Variants in SYBU observed in about 807,000 individuals in gnomAD.
The protein encoded by SYBU is GOLSYN A protein.
Under a neutral mutation model 35.9 loss-of-function variants are expected in SYBU, and 21 were observed. The ratio of observed to expected loss-of-function variants is 0.58; its 90% CI spans 0.41 to 0.84. SYBU has a LOEUF of 0.84. SYBU is among the 40% of genes least tolerant of loss of function. SYBU has a pLI of 0.00. For missense variants in SYBU, 768 were observed against 848.2 expected, an observed-to-expected ratio of 0.91 and a Z score of 1.17; for synonymous variants, 319 against 324.3, an observed-to-expected ratio of 0.98 and a Z score of 0.18.
chr8:109,613,119 G>A (rs1011822152), intron 3 of SYBU, among the ~76,000 whole-genome samples: 3 of 151,884 alleles, frequency 2.0e-5, no homozygotes, highest in Non-Finnish European at 4.4e-5. Flanking sequence ...GCCATCAGCT[G>A]TAAACTCATA....
chr8:109,642,899 T>C lies in SYBU; in HGVS notation c.58A>G (p.Ile20Val). 6.3e-7 allele frequency: 1 copy of C among 1,583,768 alleles called. No homozygotes were observed. Among genetic ancestry groups the C allele is most frequent in the Non-Finnish European group, 8.6e-7 (1 of 1,163,276 alleles). ...EHRVQHHDKE[I>V]SRSRIPRLIL... ...AACCGGGGAATTCGGCTTCGAGAAA[T>C]CTCCTTGTCATGATGCTGCACTCTG... Residue 20 changes from isoleucine (I) to valine (V), a missense_variant, in exon 2 of 7, where the codon ATT becomes GTT. Transcript: ENST00000276646.
Position 109,578,518 on chromosome 8 carries a change from C to T in SYBU, c.735-501G>A, listed in dbSNP as rs568906888. Among the ~76,000 whole-genome samples the T allele has an allele frequency of 2.1e-4, 32 of 152,336 alleles. No homozygotes were observed. The South Asian group carries it at 5.4e-3, about 26-fold the overall frequency. ...TAAACCTCAATAATGGGTGACCTCA[C>T]TTCAGAAGGTGAGCTGTAATAGAAT... On this transcript the variant is annotated intron_variant, in intron 5 of 6. Coordinates refer to ENST00000276646, the MANE Select transcript of SYBU (RefSeq NM_001099754.2).
Position 109,579,826 on chromosome 8 carries a change from T to C in SYBU, c.707A>G (p.Lys236Arg), listed in dbSNP as rs768950242. Residue 236 changes from lysine (K) to arginine (R), a missense_variant, in exon 5 of 7, where the codon AAA becomes AGA. Physicochemically the swap from Lys to Arg is conservative, Grantham distance 26. Coordinates refer to ENST00000276646, the MANE Select transcript of SYBU (RefSeq NM_001099754.2). ...SPSSSNSGSY[K>R]GSDCSPIMRR... ...CATGATGGGGCTACAGTCGCTTCCT[T>C]TGTAGGAGCCTGAGTTGCTACTGCT... 6.2e-7 allele frequency: 1 copy of C among 1,613,680 alleles called. No homozygotes were observed. The highest frequency in any genetic ancestry group is 8.5e-7 in the Non-Finnish European group (1 of 1,179,792).
At chr8:109,644,943 C>A (rs965733999), upstream of SYBU, 42 of 528,114 alleles carry the variant, frequency 8.0e-5, no homozygotes, top group Non-Finnish European at 9.3e-5. Flanking sequence ...GCAACTCGAC[C>A]GCGCCTGGGC....
chr8:109,607,827 C>CACACACAT, intron 3 of SYBU: 1 of 722,842 alleles, frequency 1.4e-6, no homozygotes, highest in East Asian at 2.7e-5. Context: ...CACACACACA[C>CACACACAT]ACACACACAC....
intron 1 of SYBU, among the ~76,000 whole-genome samples, chr8:109,652,555 A>C (rs1461716262): frequency 6.6e-6 from 1 of 152,202 alleles, no homozygotes; most frequent in East Asian, 1.9e-4. Flanking sequence ...GGACGGCATC[A>C]AGACAATACC....
rs1310002931 is a variant in SYBU at position 109,574,117 on chromosome 8, G to A, written c.*789C>T. ...TTTTTACAGACCCCCTATTGATAAA[G>A]ATGTAAGATCTGCTATTCATTGTCT... is the stretch of plus-strand genomic sequence containing the variant. On this transcript the variant is annotated 3_prime_UTR_variant, in exon 7 of 7. Transcript: ENST00000276646. The A allele has an allele frequency of 6.6e-6, 1 of 152,062 alleles. No homozygotes were observed. Among genetic ancestry groups the A allele is most frequent in the Admixed American group, 6.6e-5 (1 of 15,258 alleles). 9.4% of individuals were successfully genotyped at this position (152,062 alleles called of 1,614,324 possible).
rs547995778 is a variant in SYBU at position 109,611,925 on chromosome 8, T to A, written c.427+6917A>T. On this transcript the variant is annotated intron_variant, in intron 3 of 6. Coordinates refer to ENST00000276646, the MANE Select transcript of SYBU (RefSeq NM_001099754.2). ...CATATGGACTGTATCAGCTAATTTA[T>A]AAAAATTAGTAGGAATTTTTAGGGC... is the stretch of plus-strand genomic sequence containing the variant. Among the ~76,000 whole-genome samples, 3 of 152,360 alleles carry A rather than the reference T, an allele frequency of 2.0e-5. No homozygotes were observed. The East Asian group carries it at 5.8e-4, about 29-fold the overall frequency.
chr8:109,609,672 G>A (rs1810954648), intron 3 of SYBU, among the ~76,000 whole-genome samples: 1 of 152,048 alleles, frequency 6.6e-6, no homozygotes, highest in South Asian at 2.1e-4. Context: ...GGCTATAACT[G>A]GAAATGACAT....
chr8:109,576,188 C>T (rs1011141893), intron 6 of SYBU, among the ~76,000 whole-genome samples, 175 bp from the exon 7 acceptor site: 6 of 151,670 alleles, frequency 4.0e-5, no homozygotes, highest in African/African-American at 1.5e-4. Context: ...CAAGAGAACA[C>T]AGAAAAACTT....
intron 1 of SYBU, among the ~76,000 whole-genome samples, chr8:109,666,993 T>C (rs1816777063): frequency 6.6e-6 from 1 of 152,204 alleles, no homozygotes; most frequent in African/African-American, 2.4e-5. Flanking sequence ...CATACCACAA[T>C]AAAATGCCAA....
At position 109,574,944 on chromosome 8, in the gene SYBU, G is replaced by A. The variant is rs751408501; in HGVS notation, c.1954C>T (p.His652Tyr). The change falls in exon 7 of 7, where the codon CAT becomes TAT. Residue 652 changes from histidine (H) to tyrosine (Y), a missense_variant. Coordinates refer to ENST00000276646, the MANE Select transcript of SYBU (RefSeq NM_001099754.2). Reference protein sequence around the residue: ...LLRGCCVVALHSLRRTAFRIK... With the variant: ...LLRGCCVVALYSLRRTAFRIK... ...CGGAAGGCGGTGCGGCGGAGCGAAT[G>A]CAGGGCAACCACGCAACAGCCCCTG... 4.0e-6 allele frequency: 6 copies of A among 1,517,912 alleles called. No homozygotes were observed. In the South Asian group the frequency reaches 6.6e-5, roughly 17 times the overall value. 94.0% of individuals were successfully genotyped at this position (1,517,912 alleles called of 1,614,324 possible).
chr8:109,618,655 TACTC>T (rs1812088167), intron 3 of SYBU, among the ~76,000 whole-genome samples, 183 bp downstream of exon 3: 1 of 152,230 alleles, frequency 6.6e-6, no homozygotes, highest in South Asian at 2.1e-4. Context: ...TCACTATAGT[TACTC>T]AGTTATTAAA....
intron 1 of SYBU, 39 bp from the exon 2 acceptor site, chr8:109,642,971 G>A: frequency 6.9e-7 from 1 of 1,451,034 alleles, no homozygotes; most frequent in Non-Finnish European, 9.1e-7. Context: ...AAAAGGAAAC[G>A]CGTTTCCCTC....
chr8:109,638,812 C>G (rs1401910644), intron 2 of SYBU, among the ~76,000 whole-genome samples: 1 of 152,102 alleles, frequency 6.6e-6, no homozygotes, highest in African/African-American at 2.4e-5. Context: ...CACAAAAACA[C>G]TCATGTGCTG....
intron 2 of SYBU, among the ~76,000 whole-genome samples, chr8:109,620,055 T>C (rs1812250539): frequency 6.6e-6 from 1 of 152,222 alleles, no homozygotes; most frequent in Admixed American, 6.5e-5. Context: ...AGGAAAGTCA[T>C]ACTGCTGACT....
chr8:109,640,819 C>CAA (rs33993476), intron 2 of SYBU, among the ~76,000 whole-genome samples: 65 of 82,040 alleles, frequency 7.9e-4, no homozygotes, highest in African/African-American at 2.1e-3. Context: ...AATTAGTTAG[C>CAA]AAAAAAAAAA....
chr8:109,607,484 G>A (rs1826184506), intron 3 of SYBU, among the ~76,000 whole-genome samples: 1 of 152,142 alleles, frequency 6.6e-6, no homozygotes, highest in Non-Finnish European at 1.5e-5. Context: ...ACTATGTGCA[G>A]TGCCAATTAG....
upstream of SYBU, chr8:109,645,576 G>A (rs1206192165): frequency 3.2e-6 from 1 of 316,296 alleles, no homozygotes; most frequent in Non-Finnish European, 6.3e-6. Flanking sequence ...CACTCCAATC[G>A]GTCCCTTCAG....
Sources: gnomAD v4.1 joint callset for allele counts (sites outside exome capture counted in the v4.1 genomes callset) on GRCh38, gnomAD v4.1.1 for gene constraint, MANE v1.5 for transcripts, NCBI Gene and HGNC (gene_info 2026-07-23, HGNC 2026-07-21) for gene names.